Variants in KCNIP4 observed in about 807,000 individuals in gnomAD.
KCNIP4 encodes the protein Kv channel-interacting protein 4.
KCNIP4 carries 12 observed loss-of-function variants against 34.0 expected under a neutral mutation model. That is an observed-to-expected ratio of 0.35 (90% CI 0.23 to 0.57). The LOEUF (loss-of-function observed/expected upper bound fraction) is 0.57. Ranked by LOEUF, KCNIP4 falls within the 20% of genes least tolerant of loss-of-function variation. The pLI is 0.83. For missense variants in KCNIP4, 238 were observed against 311.7 expected, an observed-to-expected ratio of 0.76 and a Z score of 1.78; for synonymous variants, 124 against 102.2, an observed-to-expected ratio of 1.21 and a Z score of -1.29.
intron 1 of KCNIP4, among the ~76,000 whole-genome samples, chr4:21,340,639 T>C (rs1442813732): frequency 6.6e-6 from 1 of 151,842 alleles, no homozygotes; most frequent in Non-Finnish European, 1.5e-5. Context: ...AATCACTATA[T>C]GCCCTGCTGA....
chr4:21,139,096 G>A (rs1751736265), intron 1 of KCNIP4, among the ~76,000 whole-genome samples: 3 of 152,000 alleles, frequency 2.0e-5, no homozygotes, highest in Admixed American at 1.3e-4. Context: ...TTTTAACTTG[G>A]GTTTGCATGT....
At chr4:21,793,237 A>G (rs1451997051) in intron 1 of KCNIP4, among the ~76,000 whole-genome samples, 1 of 152,178 alleles carries the variant, frequency 6.6e-6, no homozygotes, top group Non-Finnish European at 1.5e-5. Context: ...GTGCACATTG[A>G]CACGTTCTGG....
intron 1 of KCNIP4, among the ~76,000 whole-genome samples, chr4:21,940,799 T>C (rs1469037468): frequency 6.6e-6 from 1 of 152,212 alleles, no homozygotes; most frequent in Non-Finnish European, 1.5e-5. Context: ...TTCTTAATAC[T>C]ATATCTCACA....
intron 1 of KCNIP4, among the ~76,000 whole-genome samples, chr4:21,403,082 A>G (rs758808550): frequency 2.6e-5 from 4 of 152,190 alleles, no homozygotes; most frequent in Admixed American, 1.3e-4. Context: ...ACTGATCAGC[A>G]GCATTTGGGA....
chr4:21,052,913 G>T (rs1248499410), intron 1 of KCNIP4, among the ~76,000 whole-genome samples: 1 of 151,932 alleles, frequency 6.6e-6, no homozygotes, highest in Admixed American at 6.6e-5. Flanking sequence ...ATGAATATGT[G>T]TATAATAAGA....
At chr4:21,677,878 AAGCTGGGACTACAGCCATG>A (rs1750030498) in intron 1 of KCNIP4, among the ~76,000 whole-genome samples, 1 of 152,060 alleles carries the variant, frequency 6.6e-6, no homozygotes, top group Admixed American at 6.6e-5. Context: ...GCTTCCCAAG[AAGCTGGGACTACAGCCATG>A]AGTCACCACA....
chr4:20,799,067 A>G lies in KCNIP4; in HGVS notation c.289-40177T>C, dbSNP rs1713875027. Among the ~76,000 whole-genome samples the G allele has an allele frequency of 2.0e-5, 3 of 152,112 alleles. 1 individual carries two copies. The South Asian group carries it at 6.2e-4, about 32-fold the overall frequency. On this transcript the variant is annotated intron_variant, in intron 3 of 8. Transcript: ENST00000382152. Reference sequence around the variant, plus strand: ...CCTCCATTCCTGAGAGTTTGCTGCTATTGCAACATGCACACTCCATAGTGT... The same window carrying G: ...CCTCCATTCCTGAGAGTTTGCTGCTGTTGCAACATGCACACTCCATAGTGT...
At chr4:21,527,543 C>A (rs1001078813) in intron 1 of KCNIP4, among the ~76,000 whole-genome samples, 4 of 152,024 alleles carry the variant, frequency 2.6e-5, no homozygotes, top group Admixed American at 1.3e-4. Flanking sequence ...TAAAACCTAT[C>A]TAAGGATTAG....
chr4:21,948,446 G>C (rs909260345), intron 1 of KCNIP4, 125 bp downstream of exon 1: 2 of 1,049,656 alleles, frequency 1.9e-6, no homozygotes, highest in Non-Finnish European at 2.8e-6. Context: ...CCCGCCAGGT[G>C]ACTGTGTCTC....
rs910026610 is a variant in KCNIP4 at position 21,524,393 on chromosome 4, A to G, written c.61+424178T>C. 5.9e-5 allele frequency among the ~76,000 whole-genome samples: 9 copies of G among 152,260 alleles called. 1 individual carries two copies. The South Asian group carries it at 1.9e-3, about 32-fold the overall frequency. ...ATTGTGTGTCCCCTAGACATTCCCA[A>G]AAATGTTTATGTGACTGTAAGCTCT... On this transcript the variant is annotated intron_variant, in intron 1 of 8. Coordinates refer to ENST00000382152, the MANE Select transcript of KCNIP4 (RefSeq NM_025221.6).
At chr4:21,129,374 C>T (rs1238424991) in intron 1 of KCNIP4, among the ~76,000 whole-genome samples, 1 of 152,222 alleles carries the variant, frequency 6.6e-6, no homozygotes, top group Non-Finnish European at 1.5e-5. Flanking sequence ...ACTCAATACA[C>T]ATTGGTTAAC....
chr4:21,066,293 G>T (rs1283189844), intron 1 of KCNIP4, among the ~76,000 whole-genome samples: 1 of 152,144 alleles, frequency 6.6e-6, no homozygotes, highest in Non-Finnish European at 1.5e-5. Context: ...ATTCTCAGAA[G>T]AAGGCCAAGC....
intron 1 of KCNIP4, among the ~76,000 whole-genome samples, chr4:21,207,146 G>A (rs1577888211): frequency 6.6e-6 from 1 of 151,552 alleles, no homozygotes. Flanking sequence ...AGAAAGAAGA[G>A]AATTCTCTGT....
chr4:20,947,164 T>C (rs1029563937), intron 1 of KCNIP4, among the ~76,000 whole-genome samples: 5 of 152,062 alleles, frequency 3.3e-5, no homozygotes, highest in Non-Finnish European at 5.9e-5. Context: ...TTTTTGATGT[T>C]TTTTAGTTTT....
intron 1 of KCNIP4, among the ~76,000 whole-genome samples, chr4:21,532,474 T>G (rs1198957599): frequency 6.6e-6 from 1 of 152,166 alleles, no homozygotes; most frequent in African/African-American, 2.4e-5. Flanking sequence ...GAAAAGTTTC[T>G]CTCCATTGTT....
At chr4:21,370,732 A>T (rs1307411485) in intron 1 of KCNIP4, among the ~76,000 whole-genome samples, 1 of 130,848 alleles carries the variant, frequency 7.6e-6, no homozygotes, top group Non-Finnish European at 1.5e-5. Context: ...AGGAGGTAGC[A>T]TTTGCAAAGA....
chr4:21,507,781 T>A (rs900269069), intron 1 of KCNIP4, among the ~76,000 whole-genome samples: 1 of 152,194 alleles, frequency 6.6e-6, no homozygotes, highest in Non-Finnish European at 1.5e-5. Flanking sequence ...AAAATTATCA[T>A]CTTATAATAA....
chr4:21,550,353 C>A (rs2009807), intron 1 of KCNIP4, among the ~76,000 whole-genome samples: 20,057 of 151,916 alleles, frequency 0.13, 1,802 homozygotes, highest in South Asian at 0.26. Flanking sequence ...GGGTAAACTA[C>A]ATTAATAATG....
intron 1 of KCNIP4, among the ~76,000 whole-genome samples, chr4:21,843,002 A>G (rs1723780622): frequency 6.6e-6 from 1 of 152,078 alleles, no homozygotes; most frequent in East Asian, 1.9e-4. Flanking sequence ...TCATACCTAC[A>G]TTTCAGAATT....
Sources: allele counts gnomAD v4.1 joint callset (sites outside exome capture counted in the v4.1 genomes callset), GRCh38; gene constraint gnomAD v4.1.1; transcripts MANE v1.5; gene names NCBI Gene and HGNC (gene_info 2026-07-23, HGNC 2026-07-21).